The following NDFIP2 variants were observed in gnomAD, a reference collection of about 807,000 sequenced individuals.
NDFIP2 encodes NEDD4 family-interacting protein 2.
A neutral mutation model predicts 36.0 loss-of-function variants in NDFIP2; 19 were observed. That is an observed-to-expected ratio of 0.53 (90% CI 0.37 to 0.77). The LOEUF is 0.77. NDFIP2 is among the 30% of genes least tolerant of loss of function. The probability of loss-of-function intolerance (pLI) is 0.00; values close to 1 mark genes in which losing one functional copy is unlikely to be tolerated. For synonymous variants in NDFIP2, 181 were observed against 167.7 expected, an observed-to-expected ratio of 1.08 and a Z score of -0.61; for missense variants, 446 against 435.8, an observed-to-expected ratio of 1.02 and a Z score of -0.21.
At position 79,520,894 on chromosome 13, in the gene NDFIP2, G is replaced by C; in HGVS notation, c.406G>C (p.Ala136Pro). ...SNPAPQIVQAASSAPALETDS... is the reference protein window; with the variant it reads ...SNPAPQIVQAPSSAPALETDS... ...CCCAGCACCGCAGATTGTGCAGGCTGCGTCTTCAGCACCAGCACTTGAAAC... is the reference window on the plus strand; with the variant it reads ...CCCAGCACCGCAGATTGTGCAGGCTCCGTCTTCAGCACCAGCACTTGAAAC... Residue 136 changes from alanine to proline, a missense_variant, in exon 2 of 8, where the codon GCG becomes CCG. By Grantham distance (27) the Ala-to-Pro change is conservative. This residue lies in a region of NDFIP2 where 369 missense variants were observed against 304.8 expected (regional missense o/e 1.21). Coordinates refer to ENST00000218652, the MANE Select transcript of NDFIP2 (RefSeq NM_019080.3). 6.2e-7 allele frequency: 1 copy of C among 1,613,816 alleles called. No homozygotes were observed. The highest frequency in any genetic ancestry group is 8.5e-7 in the Non-Finnish European group (1 of 1,179,818).
chr13:79,514,091 C>G (rs1874179461), intron 1 of NDFIP2, among the ~76,000 whole-genome samples: 1 of 152,064 alleles, frequency 6.6e-6, no homozygotes, highest in South Asian at 2.1e-4. Context: ...GATCTTTATC[C>G]CACCCATTTG....
chr13:79,525,485 C>T (rs1874758086), intron 2 of NDFIP2, among the ~76,000 whole-genome samples: 1 of 152,106 alleles, frequency 6.6e-6, no homozygotes, highest in African/African-American at 2.4e-5. Flanking sequence ...CTTTATGGCT[C>T]TCTTTGGCAT....
Position 79,481,325 on chromosome 13 carries a change from C to T in NDFIP2, c.122C>T (p.Ala41Val), listed in dbSNP as rs2079810605. ...AACGCGGAGGTCTCGGCGGCCGCTG[C>T]GGGAGCCACAGGAAGTGAAGAGCTT... ...ATNAEVSAAA[A>V]GATGSEELPP... The change falls in exon 1 of 8, where the codon GCG becomes GTG. Residue 41 changes from alanine (A) to valine (V), a missense_variant. Around this residue, in one of 2 missense-constraint regions of NDFIP2, gnomAD observed 369 missense variants for 304.8 expected, o/e 1.21. Coordinates refer to ENST00000218652, the MANE Select transcript of NDFIP2 (RefSeq NM_019080.3). The T allele has an allele frequency of 1.3e-6, 2 of 1,544,756 alleles. No individual in the cohort carries two copies. The highest frequency in any genetic ancestry group is 1.7e-6 in the Non-Finnish European group (2 of 1,146,818).
intron 4 of NDFIP2, among the ~76,000 whole-genome samples, chr13:79,541,839 T>G (rs904754533): frequency 3.3e-5 from 5 of 152,196 alleles, no homozygotes; most frequent in Admixed American, 6.5e-5. Flanking sequence ...TTTGGTGGCT[T>G]AATTCTTTCC....
intron 3 of NDFIP2, among the ~76,000 whole-genome samples, chr13:79,537,016 C>G (rs1594857241): frequency 6.6e-6 from 1 of 150,950 alleles, no homozygotes; most frequent in East Asian, 1.9e-4. Flanking sequence ...TGCCACTGCA[C>G]TCCAGCCTGG....
At chr13:79,485,843 T>C (rs1200694465) in intron 1 of NDFIP2, among the ~76,000 whole-genome samples, 1 of 152,164 alleles carries the variant, frequency 6.6e-6, no homozygotes, top group African/African-American at 2.4e-5. Flanking sequence ...TAATCCATTC[T>C]CCTTAAATAT....
At chr13:79,537,421 T>C (rs1179200503) in intron 3 of NDFIP2, among the ~76,000 whole-genome samples, 3 of 152,208 alleles carry the variant, frequency 2.0e-5, no homozygotes, top group African/African-American at 7.2e-5. Context: ...TGGACTGATG[T>C]TTTAAAATAC....
chr13:79,513,634 C>A (rs1447069221), intron 1 of NDFIP2, among the ~76,000 whole-genome samples: 2 of 151,864 alleles, frequency 1.3e-5, no homozygotes, highest in Non-Finnish European at 2.9e-5. Flanking sequence ...AGATAGACAA[C>A]CTTAGAGGAA....
intron 1 of NDFIP2, among the ~76,000 whole-genome samples, chr13:79,482,169 C>CTTTTTTTTTTTTTTT (rs10558361): frequency 9.2e-5 from 7 of 75,882 alleles, no homozygotes; most frequent in African/African-American, 1.5e-4. Flanking sequence ...TTCTTTCTTT[C>CTTTTTTTTTTTTTTT]TTTTTTTTTT....
chr13:79,495,321 C>T (rs1021536589), intron 1 of NDFIP2, among the ~76,000 whole-genome samples: 2 of 151,906 alleles, frequency 1.3e-5, no homozygotes, highest in Non-Finnish European at 2.9e-5. Context: ...TTATTAAAAT[C>T]TGCAATGATT....
intron 1 of NDFIP2, among the ~76,000 whole-genome samples, chr13:79,505,378 C>A (rs1873820916): frequency 6.6e-6 from 1 of 151,842 alleles, no homozygotes; most frequent in Non-Finnish European, 1.5e-5. Context: ...GGTTGTAATC[C>A]CAGCGCCTTG....
chr13:79,548,372 T>G lies in NDFIP2; in HGVS notation c.885T>G (p.Leu295=). ...GATATTTCAATGGACAGTATTGGCTTTGGTGGATATTTCTTGTACTTGGTA... is the reference window on the plus strand; with the variant it reads ...GATATTTCAATGGACAGTATTGGCTGTGGTGGATATTTCTTGTACTTGGTA... ...FTGYFNGQYW[L]WWIFLVLGLL... The change falls in exon 6 of 8, where the codon CTT becomes CTG. Residue 295 remains leucine, a synonymous_variant. Transcript: ENST00000218652. 1 of 1,592,544 alleles carries G rather than the reference T, an allele frequency of 6.3e-7. No homozygotes were observed. The highest frequency in any genetic ancestry group is 8.6e-7 in the Non-Finnish European group (1 of 1,166,642).
intron 5 of NDFIP2, 106 bp downstream of exon 5, chr13:79,543,788 T>G: frequency 1.4e-6 from 2 of 1,380,624 alleles, no homozygotes; most frequent in South Asian, 2.8e-5. Context: ...TTCAGTTATT[T>G]CAAGGCTTAT....
chr13:79,538,108 A>G (rs907117861), intron 3 of NDFIP2, among the ~76,000 whole-genome samples: 6 of 151,954 alleles, frequency 3.9e-5, no homozygotes, highest in Non-Finnish European at 5.9e-5. Flanking sequence ...ACAATAATGC[A>G]CTCACTCACT....
chr13:79,522,212 C>A (rs748841397), intron 2 of NDFIP2, among the ~76,000 whole-genome samples: 2 of 152,136 alleles, frequency 1.3e-5, no homozygotes, highest in Non-Finnish European at 2.9e-5. Context: ...ATGTTGATAA[C>A]AATTTTGTCT....
chr13:79,517,717 C>A (rs1367934951), intron 1 of NDFIP2, among the ~76,000 whole-genome samples: 1 of 152,076 alleles, frequency 6.6e-6, no homozygotes, highest in African/African-American at 2.4e-5. Context: ...TTTATAGGCT[C>A]CAAAGCTTTA....
chr13:79,502,285 A>C (rs1056843359), intron 1 of NDFIP2, among the ~76,000 whole-genome samples: 2 of 152,150 alleles, frequency 1.3e-5, no homozygotes, highest in Non-Finnish European at 2.9e-5. Flanking sequence ...AAATATGTGA[A>C]ATTAAATAAG....
Position 79,520,824 on chromosome 13 carries a change from G to A in NDFIP2, c.336G>A (p.Glu112=), listed in dbSNP as rs149865944. ...TGTTCTCTTAGCTTCTTAATGAAGA[G>A]GATAACTCAGAATCATCGGCTATAG... ...TGRYQVLLNE[E]DNSESSAIEQ... is the part of the protein sequence containing the mutation. The change falls in exon 2 of 8, where the codon GAG becomes GAA. Residue 112 remains glutamate, a synonymous_variant. Transcript: ENST00000218652. 1.8e-4 allele frequency: 285 copies of A among 1,611,494 alleles called. No individual in the cohort carries two copies. In the African/African-American group the frequency reaches 3.3e-3, roughly 19 times the overall value.
chr13:79,510,465 C>G (rs1226516620), intron 1 of NDFIP2, among the ~76,000 whole-genome samples: 15 of 151,194 alleles, frequency 9.9e-5, no homozygotes, highest in Non-Finnish European at 2.2e-4. Flanking sequence ...CGAAAGTTCT[C>G]TGAAAAATCA....
Sources: allele counts gnomAD v4.1 joint callset (sites outside exome capture counted in the v4.1 genomes callset), GRCh38; gene constraint gnomAD v4.1.1; regional missense constraint gnomAD v4.1.1; transcripts MANE v1.5; gene names NCBI Gene and HGNC (gene_info 2026-07-23, HGNC 2026-07-21).